Variants in GLI2 observed in about 807,000 individuals in gnomAD.
The protein encoded by GLI2 is GLI family zinc finger 2.
In GLI2, 22 loss-of-function variants were observed where a neutral mutation model predicts 78.9. The observed-to-expected ratio is 0.28, with a 90% CI of 0.20 to 0.40. GLI2 has a LOEUF of 0.40. Among genes scored for constraint, GLI2 ranks in the 10% least tolerant of loss-of-function variants. The probability of loss-of-function intolerance (pLI) is 1.00; values close to 1 mark genes in which losing one functional copy is unlikely to be tolerated. For synonymous variants in GLI2, 974 were observed against 963.7 expected (o/e 1.01, Z -0.20); for missense variants, 2,097 against 2,213.2 (o/e 0.95, Z 1.05).
chr2:120,888,701 G>A (rs774702480), intron 2 of GLI2, among the ~76,000 whole-genome samples: 23 of 152,166 alleles, frequency 1.5e-4, no homozygotes, highest in Admixed American at 2.6e-4. Flanking sequence ...GTTCAGAAAC[G>A]TGTGAGGAAA....
At chr2:120,945,561 T>C (rs772301391) in intron 3 of GLI2, among the ~76,000 whole-genome samples, 2 of 152,148 alleles carry the variant, frequency 1.3e-5, no homozygotes, top group Non-Finnish European at 2.9e-5. Flanking sequence ...GGTCAAGAAA[T>C]GTCTTAGCTC....
At chr2:120,814,249 A>G (rs1685391174) in intron 2 of GLI2, among the ~76,000 whole-genome samples, 1 of 152,152 alleles carries the variant, frequency 6.6e-6, no homozygotes, top group African/African-American at 2.4e-5. Flanking sequence ...GGGTAAGGGC[A>G]CCGGGATTTG....
intron 3 of GLI2, 48 bp from the exon 4 acceptor site, chr2:120,951,195 G>C (rs1197885325): frequency 1.8e-6 from 2 of 1,103,794 alleles, no homozygotes; most frequent in Admixed American, 3.4e-5. Context: ...TCTTGGTGGG[G>C]TTCCCTCTGT....
At chr2:120,896,740 C>T (rs1677985921) in intron 2 of GLI2, among the ~76,000 whole-genome samples, 2 of 145,888 alleles carry the variant, frequency 1.4e-5, no homozygotes, top group Admixed American at 1.4e-4. Flanking sequence ...CACACACAGC[C>T]TTCTTCGGAG....
At chr2:120,974,476 G>T (rs1343901087) in intron 8 of GLI2, among the ~76,000 whole-genome samples, 2 of 152,220 alleles carry the variant, frequency 1.3e-5, no homozygotes, top group African/African-American at 4.8e-5. Context: ...TGTCTCAGGG[G>T]TCTTTCCTTC....
intron 12 of GLI2, 39 bp from the exon 13 acceptor site, chr2:120,986,239 A>G (rs1281038361): frequency 6.4e-7 from 1 of 1,572,970 alleles, no homozygotes; most frequent in South Asian, 1.1e-5. Flanking sequence ...GGAATCTGAT[A>G]CCCTCTGAGT....
chr2:120,753,246 C>T (rs1682933033), intron 1 of GLI2, among the ~76,000 whole-genome samples: 1 of 152,082 alleles, frequency 6.6e-6, no homozygotes, highest in Non-Finnish European at 1.5e-5. Context: ...TAGGCGTCCG[C>T]CACCACGCCC....
chr2:120,770,380 T>G (rs183910764), intron 1 of GLI2, among the ~76,000 whole-genome samples: 1 of 152,062 alleles, frequency 6.6e-6, no homozygotes, highest in African/African-American at 2.4e-5. Context: ...CCCATAGGGG[T>G]TTAGCTGTCT....
intron 5 of GLI2, among the ~76,000 whole-genome samples, chr2:120,964,362 TTTTTGGAAAG>T (rs1681731099): frequency 6.6e-6 from 1 of 152,302 alleles, no homozygotes; most frequent in South Asian, 2.1e-4. Context: ...GCAGTGGGGA[TTTTTGGAAAG>T]TTTTGGGGAG....
chr2:120,955,142 T>C, intron 4 of GLI2, 103 bp from the exon 5 acceptor site: 5 of 762,208 alleles, frequency 6.6e-6, no homozygotes, highest in East Asian at 2.7e-5. Flanking sequence ...CAGGTGTGCA[T>C]TTCTCTCTGC....
chr2:120,977,800 A>C (rs1242147928), intron 9 of GLI2, among the ~76,000 whole-genome samples: 1 of 152,178 alleles, frequency 6.6e-6, no homozygotes, highest in African/African-American at 2.4e-5. Context: ...TGGCTCCACC[A>C]CGCCGACTGC....
intron 4 of GLI2, among the ~76,000 whole-genome samples, chr2:120,953,998 C>T (rs956216320): frequency 2.6e-5 from 4 of 152,162 alleles, no homozygotes; most frequent in Non-Finnish European, 5.9e-5. Context: ...CCGCTTACAG[C>T]CCCACGACAT....
intron 2 of GLI2, among the ~76,000 whole-genome samples, chr2:120,853,235 C>T (rs895407693): frequency 6.6e-6 from 1 of 152,140 alleles, no homozygotes; most frequent in African/African-American, 2.4e-5. Flanking sequence ...AAGGTGCAGG[C>T]AGACCAGGAC....
chr2:120,981,893 A>G (rs898626594), intron 10 of GLI2, among the ~76,000 whole-genome samples: 2 of 152,066 alleles, frequency 1.3e-5, no homozygotes, highest in African/African-American at 4.8e-5. Context: ...TAGATGCTAA[A>G]TATTAGGAAG....
intron 2 of GLI2, among the ~76,000 whole-genome samples, chr2:120,886,165 T>A (rs1677388879): frequency 1.7e-4 from 1 of 6,046 alleles, no homozygotes; most frequent in South Asian, 0.018. Context: ...CCAAAGTGTG[T>A]GTGTGTGTGT....
intron 2 of GLI2, among the ~76,000 whole-genome samples, chr2:120,873,661 T>C (rs1688581109): frequency 6.6e-6 from 1 of 152,218 alleles, no homozygotes; most frequent in South Asian, 2.1e-4. Context: ...GTCTACATTT[T>C]GGTCCGCTTT....
intron 2 of GLI2, among the ~76,000 whole-genome samples, chr2:120,838,606 A>T (rs745413974): frequency 4.3e-4 from 66 of 152,218 alleles, no homozygotes; most frequent in South Asian, 4.1e-4. Context: ...TTGTGTTGCT[A>T]TAACAGAATA....
At chr2:120,873,404 C>A (rs1688566629) in intron 2 of GLI2, among the ~76,000 whole-genome samples, 1 of 152,114 alleles carries the variant, frequency 6.6e-6, no homozygotes, top group South Asian at 2.1e-4. Context: ...TTTCCCAGAA[C>A]AACAACAAAA....
chr2:120,775,092 T>G (rs1420359550), intron 1 of GLI2, among the ~76,000 whole-genome samples: 1 of 152,218 alleles, frequency 6.6e-6, no homozygotes, highest in Admixed American at 6.5e-5. Flanking sequence ...GACGTGGGTA[T>G]GCCGGGACCT....
Sources: gnomAD v4.1 joint callset for allele counts (sites outside exome capture counted in the v4.1 genomes callset) on GRCh38, gnomAD v4.1.1 for gene constraint, MANE v1.5 for transcripts, NCBI Gene and HGNC (gene_info 2026-07-23, HGNC 2026-07-21) for gene names.